Variants in EPB41L5 observed in about 807,000 individuals in gnomAD.
EPB41L5 encodes the protein erythrocyte membrane protein band 4.1 like 5, also known as band 4.1-like protein 5.
In EPB41L5, 55 loss-of-function variants were observed where a neutral mutation model predicts 106.6. That is an observed-to-expected ratio of 0.52 (90% CI 0.42 to 0.65). The LOEUF is 0.65. EPB41L5 is among the 30% of genes least tolerant of loss of function. The pLI is 0.00. For missense variants in EPB41L5, 871 were observed against 882.1 expected, an observed-to-expected ratio of 0.99 and a Z score of 0.16; for synonymous variants, 297 against 306.7, an observed-to-expected ratio of 0.97 and a Z score of 0.33.
chr2:120,032,440 A>G (rs543917406), intron 2 of EPB41L5, among the ~76,000 whole-genome samples: 14 of 152,354 alleles, frequency 9.2e-5, no homozygotes, highest in African/African-American at 3.4e-4. Flanking sequence ...ATAATAAGCA[A>G]GGAACAGCTA....
At chr2:120,113,884 A>G (rs899119676) in intron 16 of EPB41L5, among the ~76,000 whole-genome samples, 3 of 152,234 alleles carry the variant, frequency 2.0e-5, no homozygotes, top group African/African-American at 7.2e-5. Context: ...TATGATGCCC[A>G]GTGTTTTATT....
At chr2:120,095,553 A>T (rs1284316071) in intron 14 of EPB41L5, among the ~76,000 whole-genome samples, 7 of 142,062 alleles carry the variant, frequency 4.9e-5, no homozygotes, top group Non-Finnish European at 7.7e-5. Flanking sequence ...AAGCTTACTG[A>T]TTTTTTTTTT....
intron 10 of EPB41L5, among the ~76,000 whole-genome samples, chr2:120,079,329 C>G (rs978033939): frequency 9.9e-5 from 15 of 152,186 alleles, no homozygotes; most frequent in Non-Finnish European, 2.2e-4. Context: ...ACCCTAACAT[C>G]TACTGGCCAT....
At chr2:120,039,431 A>G (rs1679251423) in intron 2 of EPB41L5, among the ~76,000 whole-genome samples, 1 of 152,118 alleles carries the variant, frequency 6.6e-6, no homozygotes, top group African/African-American at 2.4e-5. Context: ...AAAATGGCAA[A>G]TTGTGTTATA....
rs58165544 is a variant in EPB41L5, at chr2:120,044,273, A to G, written c.285+2163A>G. ...AGATATTTCTTTTATTTTTCTTTCT[A>G]ATGTTCTTAATTCTCTTTTATTAGA... On this transcript the variant is annotated intron_variant, in intron 3 of 24. Coordinates refer to ENST00000263713, the MANE Select transcript of EPB41L5 (RefSeq NM_020909.4). Among the ~76,000 whole-genome samples, 49 of 151,972 alleles carry G rather than the reference A, an allele frequency of 3.2e-4. 1 individual carries two copies. The highest frequency in any genetic ancestry group is 1.1e-3 in the African/African-American group (46 of 41,446).
At chr2:120,016,196 G>A (rs540852033) in intron 1 of EPB41L5, among the ~76,000 whole-genome samples, 2 of 152,212 alleles carry the variant, frequency 1.3e-5, no homozygotes, top group Non-Finnish European at 2.9e-5. Flanking sequence ...TTGGGAGGCC[G>A]AGGCGGGCGG....
chr2:120,052,567 GT>G (rs1434534651), intron 3 of EPB41L5, among the ~76,000 whole-genome samples: 1 of 152,068 alleles, frequency 6.6e-6, no homozygotes, highest in Non-Finnish European at 1.5e-5. Context: ...AATTCAATGG[GT>G]TATATCTGTT....
chr2:120,138,065 C>T (rs1249608455), intron 18 of EPB41L5, among the ~76,000 whole-genome samples: 2 of 152,018 alleles, frequency 1.3e-5, no homozygotes, highest in Middle Eastern at 3.4e-3. Context: ...GTAAATCAAT[C>T]AAGGGTGATA....
In EPB41L5 at chr2:120,042,105, G is replaced by A; in HGVS notation, c.280G>A (p.Val94Ile). ...FGLRFMDSAQ[V>I]AHWLDGTKSI... Reference sequence around the variant, plus strand: ...TCTGAGATTTATGGATTCAGCACAAGTAGCAGTGAGTAACTGTTTTTTGGA... The same window carrying A: ...TCTGAGATTTATGGATTCAGCACAAATAGCAGTGAGTAACTGTTTTTTGGA... The change falls in exon 3 of 25, where the codon GTA becomes ATA. Residue 94 changes from valine to isoleucine, a missense_variant. By Grantham distance (29) the Val-to-Ile change is conservative. Coordinates refer to ENST00000263713, the MANE Select transcript of EPB41L5 (RefSeq NM_020909.4). 2.5e-6 allele frequency: 4 copies of A among 1,611,872 alleles called. No homozygotes were observed. Among genetic ancestry groups the A allele is most frequent in the Non-Finnish European group, 3.4e-6 (4 of 1,178,170 alleles).
chr2:120,057,621 A>C (rs923857633), intron 3 of EPB41L5, among the ~76,000 whole-genome samples: 4 of 152,004 alleles, frequency 2.6e-5, no homozygotes, highest in African/African-American at 7.3e-5. Flanking sequence ...TTACGCCGTC[A>C]AACATTTATA....
intron 19 of EPB41L5, among the ~76,000 whole-genome samples, chr2:120,145,732 A>AT (rs1686371606): frequency 6.6e-6 from 1 of 152,180 alleles, no homozygotes; most frequent in Admixed American, 6.6e-5. Context: ...ATTACTTGAC[A>AT]TCAGGAGAGT....
intron 16 of EPB41L5, among the ~76,000 whole-genome samples, chr2:120,116,299 A>C (rs1684945177): frequency 1.3e-5 from 2 of 152,136 alleles, no homozygotes; most frequent in Non-Finnish European, 2.9e-5. Context: ...AATTTAGAAA[A>C]AACATTTTTC....
intron 2 of EPB41L5, among the ~76,000 whole-genome samples, chr2:120,023,365 GT>G (rs1678073403): frequency 6.6e-6 from 1 of 152,110 alleles, no homozygotes; most frequent in Non-Finnish European, 1.5e-5. Flanking sequence ...TGTGTAAGAT[GT>G]TAAGGAAGGG....
chr2:120,116,654 G>A (rs978948663), intron 16 of EPB41L5, among the ~76,000 whole-genome samples: 3 of 151,886 alleles, frequency 2.0e-5, no homozygotes, highest in Non-Finnish European at 4.4e-5. Flanking sequence ...AAGTAGCTAG[G>A]ACTATAGGCA....
intron 16 of EPB41L5, among the ~76,000 whole-genome samples, chr2:120,123,824 A>AT (rs1194120993): frequency 6.6e-6 from 1 of 150,976 alleles, no homozygotes; most frequent in Non-Finnish European, 1.5e-5. Context: ...TGCCCCGCTA[A>AT]TTTTTTTGTT....
intron 8 of EPB41L5, 67 bp downstream of exon 8, chr2:120,077,158 T>A: frequency 6.3e-7 from 1 of 1,584,482 alleles, no homozygotes; most frequent in South Asian, 1.2e-5. Context: ...CATTTTCTTC[T>A]GTTTCTATCC....
intron 4 of EPB41L5, 47 bp from the exon 5 acceptor site, chr2:120,074,053 T>C (rs753918760): frequency 5.7e-6 from 8 of 1,406,384 alleles, no homozygotes; most frequent in African/African-American, 1.5e-5. Flanking sequence ...AAAAGTATTA[T>C]TTAAGTAGTT....
intron 24 of EPB41L5, among the ~76,000 whole-genome samples, chr2:120,170,914 T>G (rs1338655923): frequency 6.6e-6 from 1 of 152,238 alleles, no homozygotes; most frequent in African/African-American, 2.4e-5. Flanking sequence ...CGTTTCATAT[T>G]CTACATGCTG....
chr2:120,090,483 G>T lies in EPB41L5; in HGVS notation c.1010G>T (p.Gly337Val). ...GPVQKSSHRSGFIRLGSRFRY... is the reference protein window; with the variant it reads ...GPVQKSSHRSVFIRLGSRFRY... ...GTCCAAAAGAGTTCTCATCGATCAG[G>T]ATTTATTCGACTAGGATCACGATTT... Residue 337 changes from glycine to valine, a missense_variant, in exon 12 of 25, where the codon GGA (glycine) becomes GTA (valine). Physicochemically the swap from Gly to Val is moderately radical, Grantham distance 109. Transcript: ENST00000263713. 6.2e-7 allele frequency: 1 copy of T among 1,613,220 alleles called. No individual in the cohort carries two copies. The highest frequency in any genetic ancestry group is 1.1e-5 in the South Asian group (1 of 90,916).
Sources: allele counts gnomAD v4.1 joint callset (sites outside exome capture counted in the v4.1 genomes callset), GRCh38; gene constraint gnomAD v4.1.1; transcripts MANE v1.5; gene names NCBI Gene and HGNC (gene_info 2026-07-23, HGNC 2026-07-21).